The following CDKN2B-AS1 variants were observed in gnomAD, a reference collection of about 807,000 sequenced individuals.
CDKN2B-AS1 encodes the protein CDKN2B and CDKN2A antisense cis and trans regulatory RNA 1, also known as CDKN2B antisense RNA 1 (non-protein coding).
intron 1 of CDKN2B-AS1, among the ~76,000 whole-genome samples, chr9:22,024,430 C>T (rs1822146094): frequency 2.0e-5 from 3 of 152,332 alleles, no homozygotes; most frequent in Admixed American, 1.3e-4. Flanking sequence ...GAACAGGAGG[C>T]TCCTGCTATA....
rs1308634715 is a variant in CDKN2B-AS1 at position 21,999,620 on chromosome 9, T to C, written n.29+4459T>C. Among the ~76,000 whole-genome samples, 1 of 152,130 alleles carries C rather than the reference T, an allele frequency of 6.6e-6. No homozygotes were observed. The highest frequency in any genetic ancestry group is 1.5e-5 in the Non-Finnish European group (1 of 67,986). On this transcript the variant is annotated intron_variant and non_coding_transcript_variant, in intron 1 of 4. Transcript: ENST00000650946. The surrounding 1 kb of genome is among the most constrained non-coding windows in gnomAD (Gnocchi z 4.7). ...TAAAGCAATTCACTCCTATATAAAT[T>C]GCTACAGATAACTTGTATAAGTATG...
chr9:22,011,346 CG>C (rs888632818), intron 1 of CDKN2B-AS1, among the ~76,000 whole-genome samples: 6 of 152,224 alleles, frequency 3.9e-5, no homozygotes, highest in African/African-American at 1.2e-4. Flanking sequence ...ATTTAGAAGA[CG>C]AGAAGAGAAA....
Position 21,997,531 on chromosome 9 carries a change from T to A in CDKN2B-AS1, n.29+2370T>A, listed in dbSNP as rs1468299475. 6.6e-6 allele frequency among the ~76,000 whole-genome samples: 1 copy of A among 151,944 alleles called. No individual in the cohort carries two copies. Among genetic ancestry groups the A allele is most frequent in the Non-Finnish European group, 1.5e-5 (1 of 67,982 alleles). On this transcript the variant is annotated intron_variant and non_coding_transcript_variant, in intron 1 of 4. Coordinates refer to ENST00000650946, the Ensembl canonical transcript of CDKN2B-AS1. This position sits in a 1 kb window ranked among gnomAD's most constrained non-coding sequence, Gnocchi z 4.8. ...AGAGAAAGAGAGAAAATACTTATTT[T>A]AAGGAATTGTCTCAGAAAATGGTGG...
At chr9:22,087,204 G>A (rs1410419620) in intron 4 of CDKN2B-AS1, among the ~76,000 whole-genome samples, 1 of 152,154 alleles carries the variant, frequency 6.6e-6, no homozygotes, top group Non-Finnish European at 1.5e-5. Flanking sequence ...GAAACTTTAA[G>A]GTAAGTTTTC....
chr9:22,014,316 C>T (rs1821645676), intron 1 of CDKN2B-AS1, among the ~76,000 whole-genome samples: 2 of 152,008 alleles, frequency 1.3e-5, no homozygotes, highest in South Asian at 4.2e-4. Flanking sequence ...GCACACATCA[C>T]CTGGCTAATT....
intron 1 of CDKN2B-AS1, among the ~76,000 whole-genome samples, chr9:22,023,450 G>C (rs539778677): frequency 2.0e-5 from 3 of 151,936 alleles, no homozygotes; most frequent in African/African-American, 7.3e-5. Context: ...TGAAATTTTG[G>C]GGGTTGGGAG....
intron 4 of CDKN2B-AS1, among the ~76,000 whole-genome samples, chr9:22,098,230 A>T (rs946863677): frequency 6.6e-6 from 1 of 151,430 alleles, no homozygotes; most frequent in Non-Finnish European, 1.5e-5. Flanking sequence ...GTATATTTAT[A>T]TATGTGTGTG....
intron 4 of CDKN2B-AS1, among the ~76,000 whole-genome samples, chr9:22,123,159 A>G (rs539742441): frequency 9.9e-5 from 15 of 151,996 alleles, no homozygotes; most frequent in Non-Finnish European, 1.5e-4. Context: ...CAGCTAGTTC[A>G]TTGTTCATGT....
chr9:22,098,157 CTGTG>C (rs35998780), intron 4 of CDKN2B-AS1, among the ~76,000 whole-genome samples: 131 of 146,100 alleles, frequency 9.0e-4, no homozygotes, highest in East Asian at 2.2e-3. Flanking sequence ...CTCTCTGTCT[CTGTG>C]TGTGTGTGTG....
At chr9:22,073,867 ATT>A (rs567089131) in intron 4 of CDKN2B-AS1, among the ~76,000 whole-genome samples, 6 of 145,102 alleles carry the variant, frequency 4.1e-5, no homozygotes, top group African/African-American at 5.0e-5. Context: ...TACCTAGATA[ATT>A]TTTTTTTTTT....
At chr9:22,082,681 T>C (rs528866095) in intron 4 of CDKN2B-AS1, among the ~76,000 whole-genome samples, 67 of 152,376 alleles carry the variant, frequency 4.4e-4, no homozygotes, top group African/African-American at 1.6e-3. Context: ...TAATTATGTA[T>C]ATTTTATACC....
chr9:22,009,011 C>A, intron 1 of CDKN2B-AS1: 1 of 1,610,432 alleles, frequency 6.2e-7, no homozygotes. Context: ...GTAAACTTAA[C>A]GACACTCTTC....
chr9:22,053,835 G>C (rs1054110932), intron 3 of CDKN2B-AS1, among the ~76,000 whole-genome samples: 1 of 152,002 alleles, frequency 6.6e-6, no homozygotes, highest in African/African-American at 2.4e-5. Flanking sequence ...CTTGTAGACC[G>C]TCACTAGCTA....
At chr9:22,026,577 G>T (rs2131235661) in intron 1 of CDKN2B-AS1, among the ~76,000 whole-genome samples, 1 of 152,304 alleles carries the variant, frequency 6.6e-6, no homozygotes, top group South Asian at 2.1e-4. Context: ...CAAGCCAGTG[G>T]GTCTTATCCT....
intron 4 of CDKN2B-AS1, among the ~76,000 whole-genome samples, chr9:22,082,587 A>T (rs1043910193): frequency 6.6e-6 from 1 of 152,252 alleles, no homozygotes; most frequent in Non-Finnish European, 1.5e-5. Flanking sequence ...ACTAATTCGT[A>T]GCCAGTACTT....
chr9:22,098,399 G>C (rs546832855), intron 4 of CDKN2B-AS1, among the ~76,000 whole-genome samples: 1 of 150,472 alleles, frequency 6.6e-6, no homozygotes, highest in South Asian at 2.1e-4. Flanking sequence ...TAGGGGTTAT[G>C]GGAAATGCCA....
In CDKN2B-AS1 at chr9:22,081,980, T is replaced by G. The variant is rs901226225; in HGVS notation, n.438+25593T>G. Among the ~76,000 whole-genome samples the G allele has an allele frequency of 2.0e-5, 3 of 152,212 alleles. No individual in the cohort carries two copies. The East Asian group carries it at 5.8e-4, about 29-fold the overall frequency. Reference sequence around the variant, plus strand: ...GGCTGGGGTCTTGCTTCAACCACCATGCACCTTTCTGAAACCCAAGTTTTA... The same window carrying G: ...GGCTGGGGTCTTGCTTCAACCACCAGGCACCTTTCTGAAACCCAAGTTTTA... On this transcript the variant is annotated intron_variant and non_coding_transcript_variant, in intron 4 of 4. Transcript: ENST00000650946.
chr9:22,053,297 C>A (rs1000057516), intron 3 of CDKN2B-AS1, among the ~76,000 whole-genome samples: 1 of 152,118 alleles, frequency 6.6e-6, no homozygotes, highest in East Asian at 1.9e-4. Context: ...TTTTAGCAAA[C>A]GTTTGAGAAT....
intron 4 of CDKN2B-AS1, among the ~76,000 whole-genome samples, chr9:22,114,296 A>T (rs1825881921): frequency 6.6e-6 from 1 of 152,194 alleles, no homozygotes; most frequent in African/African-American, 2.4e-5. Flanking sequence ...TCCTAAATAC[A>T]TTAAAAGTCC....
Sources: gnomAD v4.1 joint callset for allele counts (sites outside exome capture counted in the v4.1 genomes callset) on GRCh38, gnomAD v4.1.1 for gene constraint, Gnocchi (gnomAD v3.1) non-coding constraint, MANE v1.5 for transcripts, NCBI Gene and HGNC (gene_info 2026-07-23, HGNC 2026-07-21) for gene names.